The following SEMA3A variants were observed in gnomAD, a reference collection of about 807,000 sequenced individuals.
The protein encoded by SEMA3A is semaphorin-3A.
A neutral mutation model predicts 97.9 loss-of-function variants in SEMA3A; 29 were observed. That is an observed-to-expected ratio of 0.30 (90% CI 0.22 to 0.40). SEMA3A has a LOEUF of 0.40. SEMA3A is among the 10% of genes least tolerant of loss of function. SEMA3A has a pLI of 1.00. For synonymous variants in SEMA3A, 321 were observed against 323.7 expected (o/e 0.99, Z 0.09); for missense variants, 763 against 951.3 (o/e 0.80, Z 2.60).
rs80249715 is a variant in SEMA3A at position 84,108,410 on chromosome 7, G to A, written c.453+2060C>T. Among the ~76,000 whole-genome samples, 812 of 152,004 alleles carry A rather than the reference G, an allele frequency of 5.3e-3. 6 individuals are homozygous for A. Among genetic ancestry groups the A allele is most frequent in the East Asian group, 0.017 (86 of 5,162 alleles). ...CTAGGAGCAGTGGAAGGCAGTTAGA[G>A]GTAATAAGTCAACCTTGCATTTAAA... On this transcript the variant is annotated intron_variant, in intron 4 of 16. Transcript: ENST00000265362.
chr7:84,101,295 T>A (rs770240894), intron 4 of SEMA3A, among the ~76,000 whole-genome samples: 30 of 152,304 alleles, frequency 2.0e-4, no homozygotes, highest in Non-Finnish European at 3.2e-4. Context: ...TCCATAACTT[T>A]GGATGCAAAC....
At chr7:83,975,011 T>G (rs990958403) in intron 15 of SEMA3A, among the ~76,000 whole-genome samples, 1 of 152,174 alleles carries the variant, frequency 6.6e-6, no homozygotes, top group Admixed American at 6.6e-5. Context: ...ACTTTATTTC[T>G]TACTTCTTAT....
intron 14 of SEMA3A, among the ~76,000 whole-genome samples, chr7:83,979,466 T>C (rs1789306594): frequency 6.6e-6 from 1 of 152,182 alleles, no homozygotes; most frequent in East Asian, 1.9e-4. Context: ...AATAGCCACC[T>C]AGAGTTAAAT....
chr7:84,360,774 G>T (rs612856), intron 2 of SEMA3A, among the ~76,000 whole-genome samples: 43,543 of 151,674 alleles, frequency 0.29, 6,728 homozygotes, highest in African/African-American at 0.38. Context: ...AACAGCAATT[G>T]TTTAAAACCT....
intron 5 of SEMA3A, among the ~76,000 whole-genome samples, chr7:84,055,640 T>C (rs1221184976): frequency 1.3e-5 from 2 of 152,132 alleles, no homozygotes; most frequent in African/African-American, 2.4e-5. Flanking sequence ...GTACCTCAGA[T>C]GGAAATGCAG....
At chr7:84,161,320 C>T (rs189876485) in intron 1 of SEMA3A, among the ~76,000 whole-genome samples, 188 of 151,910 alleles carry the variant, frequency 1.2e-3, no homozygotes, top group African/African-American at 4.0e-3. Context: ...GCCAGGATCA[C>T]GCCATTGCAC....
intron 4 of SEMA3A, among the ~76,000 whole-genome samples, chr7:84,075,926 A>C (rs1413744172): frequency 6.6e-6 from 1 of 152,212 alleles, no homozygotes; most frequent in Admixed American, 6.5e-5. Flanking sequence ...ATCAATTATG[A>C]AATCCAGATT....
intron 2 of SEMA3A, among the ~76,000 whole-genome samples, chr7:84,312,911 T>TAC (rs1233821816): frequency 4.8e-4 from 25 of 51,810 alleles, no homozygotes; most frequent in Non-Finnish European, 1.1e-3. Flanking sequence ...TATATATATA[T>TAC]ATATATATAT....
At chr7:84,207,242 G>T (rs1798515348) in intron 3 of SEMA3A, among the ~76,000 whole-genome samples, 1 of 152,204 alleles carries the variant, frequency 6.6e-6, no homozygotes, top group Non-Finnish European at 1.5e-5. Context: ...AAATGTAAGT[G>T]AATTACTTCC....
chr7:84,075,897 A>T (rs1422205385), intron 4 of SEMA3A, among the ~76,000 whole-genome samples: 1 of 152,176 alleles, frequency 6.6e-6, no homozygotes, highest in African/African-American at 2.4e-5. Flanking sequence ...AGGTGCATGT[A>T]GTAAAAATAT....
At chr7:84,022,646 A>G (rs1483111820) in intron 6 of SEMA3A, among the ~76,000 whole-genome samples, 2 of 152,240 alleles carry the variant, frequency 1.3e-5, no homozygotes, top group African/African-American at 4.8e-5. Flanking sequence ...GCAGAAAGTC[A>G]TTGTGAATGT....
chr7:84,148,402 G>C (rs1377653950), intron 1 of SEMA3A, among the ~76,000 whole-genome samples: 1 of 152,116 alleles, frequency 6.6e-6, no homozygotes, highest in Non-Finnish European at 1.5e-5. Flanking sequence ...AGATGGGAGA[G>C]CAATGATGTT....
chr7:84,132,219 T>TTTA (rs1795982847), intron 2 of SEMA3A, among the ~76,000 whole-genome samples: 1 of 152,192 alleles, frequency 6.6e-6, no homozygotes, highest in African/African-American at 2.4e-5. Context: ...AAATATACCC[T>TTTA]TTATTATTAG....
intron 12 of SEMA3A, among the ~76,000 whole-genome samples, chr7:83,987,327 A>G (rs1176889883): frequency 6.6e-6 from 1 of 152,128 alleles, no homozygotes; most frequent in Non-Finnish European, 1.5e-5. Flanking sequence ...ATAGTTGACA[A>G]TGACTCTCCA....
chr7:84,424,122 C>T (rs905501170), intron 1 of SEMA3A, among the ~76,000 whole-genome samples: 1 of 151,426 alleles, frequency 6.6e-6, no homozygotes, highest in South Asian at 2.1e-4. Flanking sequence ...ACCATTGAAT[C>T]CAGCAATCCC....
intron 3 of SEMA3A, among the ~76,000 whole-genome samples, chr7:84,244,557 T>A (rs1799437713): frequency 6.6e-6 from 1 of 152,174 alleles, no homozygotes; most frequent in Admixed American, 6.5e-5. Context: ...CCAGTCTGTG[T>A]CTTTTAATTG....
chr7:83,960,548 C>T lies in SEMA3A; in HGVS notation c.*823G>A, dbSNP rs1788426484. 6.6e-6 allele frequency: 1 copy of T among 152,360 alleles called. No individual in the cohort carries two copies. The highest frequency in any genetic ancestry group is 1.5e-5 in the Non-Finnish European group (1 of 67,940). 9.4% of individuals were successfully genotyped at this position (152,360 alleles called of 1,614,324 possible). A position where few individuals can be genotyped will look rare whatever the true frequency, so the allele number is the denominator to read the frequency against. ...CACTCTTAATGATGTATATGTGTTT[C>T]TAGAACAATGTCATCTATCCCTCTT... On this transcript the variant is annotated 3_prime_UTR_variant, in exon 17 of 17. Transcript: ENST00000265362.
intron 1 of SEMA3A, among the ~76,000 whole-genome samples, chr7:84,474,769 T>A (rs1301218632): frequency 6.6e-6 from 1 of 152,092 alleles, no homozygotes; most frequent in Admixed American, 6.6e-5. Flanking sequence ...CCCTTGCTTC[T>A]ACCTGAGAAA....
intron 1 of SEMA3A, among the ~76,000 whole-genome samples, chr7:84,168,665 T>A (rs1797289663): frequency 6.6e-6 from 1 of 151,842 alleles, no homozygotes; most frequent in African/African-American, 2.4e-5. Flanking sequence ...GTTATGAAAA[T>A]TATACTTTAT....
Sources: gnomAD v4.1 joint callset for allele counts (sites outside exome capture counted in the v4.1 genomes callset) on GRCh38, gnomAD v4.1.1 for gene constraint, MANE v1.5 for transcripts, NCBI Gene and HGNC (gene_info 2026-07-23, HGNC 2026-07-21) for gene names.